Variants in CSMD1 observed in about 807,000 individuals in gnomAD.
CSMD1 encodes the protein CUB and Sushi multiple domains 1.
A neutral mutation model predicts 417.5 loss-of-function variants in CSMD1; 213 were observed. The observed-to-expected ratio is 0.51, with a 90% confidence interval of 0.46 to 0.57. The LOEUF (loss-of-function observed/expected upper bound fraction) is 0.57. CSMD1 is among the 20% of genes least tolerant of loss of function. The probability of loss-of-function intolerance (pLI) is 0.00; values close to 1 mark genes in which losing one functional copy is unlikely to be tolerated. For synonymous variants in CSMD1, 2,862 were observed against 1,736.8 expected (o/e 1.65, Z -16.11); for missense variants, 6,923 against 4,529.7 (o/e 1.53, Z -15.17).
chr8:3,828,898 T>A (rs1802209445), intron 5 of CSMD1, among the ~76,000 whole-genome samples: 2 of 152,202 alleles, frequency 1.3e-5, no homozygotes, highest in African/African-American at 2.4e-5. Flanking sequence ...ATGTTCACTG[T>A]AGTGGCCTTC....
chr8:3,503,279 A>T (rs1585265054), intron 10 of CSMD1, among the ~76,000 whole-genome samples: 1 of 152,242 alleles, frequency 6.6e-6, no homozygotes, highest in Non-Finnish European at 1.5e-5. Context: ...CCCCACATAT[A>T]AACACTAGGA....
At chr8:4,989,161 T>A (rs982252024) in intron 1 of CSMD1, among the ~76,000 whole-genome samples, 3 of 152,192 alleles carry the variant, frequency 2.0e-5, no homozygotes, top group Non-Finnish European at 2.9e-5. Context: ...ATCATGTAAT[T>A]GAAGGCAAGG....
At chr8:3,224,194 G>T (rs1210147860) in intron 27 of CSMD1, among the ~76,000 whole-genome samples, 1 of 152,066 alleles carries the variant, frequency 6.6e-6, no homozygotes, top group African/African-American at 2.4e-5. Context: ...CCCCATACCT[G>T]CCAACGTGCA....
intron 11 of CSMD1, among the ~76,000 whole-genome samples, chr8:3,488,849 A>T (rs763245980): frequency 6.6e-6 from 1 of 152,190 alleles, no homozygotes; most frequent in African/African-American, 2.4e-5. Flanking sequence ...CAGAAAAATA[A>T]TTGGGATCAT....
chr8:4,176,763 A>G (rs1584962594), intron 3 of CSMD1, among the ~76,000 whole-genome samples: 1 of 150,220 alleles, frequency 6.7e-6, no homozygotes, highest in Admixed American at 6.7e-5. Context: ...AAACAAAAAA[A>G]GGCAGGGGTT....
intron 3 of CSMD1, among the ~76,000 whole-genome samples, chr8:4,321,179 A>G (rs987689415): frequency 6.6e-6 from 1 of 152,136 alleles, no homozygotes; most frequent in African/African-American, 2.4e-5. Flanking sequence ...CACAGTGATC[A>G]AAGTGTAGGG....
At chr8:3,876,955 C>T (rs1013758976) in intron 5 of CSMD1, among the ~76,000 whole-genome samples, 4 of 152,116 alleles carry the variant, frequency 2.6e-5, no homozygotes, top group African/African-American at 9.7e-5. Context: ...TTTAGAAGCA[C>T]AAGAAATAAT....
intron 7 of CSMD1, among the ~76,000 whole-genome samples, chr8:3,638,081 C>T (rs74925521): frequency 4.6e-5 from 7 of 152,210 alleles, no homozygotes; most frequent in East Asian, 1.9e-4. Context: ...TAACCACACA[C>T]AGCTATCAAA....
intron 26 of CSMD1, among the ~76,000 whole-genome samples, chr8:3,231,598 A>T (rs769384309): frequency 6.6e-6 from 1 of 152,116 alleles, no homozygotes; most frequent in Non-Finnish European, 1.5e-5. Flanking sequence ...AAAGAATAAG[A>T]CCTGCTCTGT....
At chr8:4,313,636 A>G (rs1294703131) in intron 3 of CSMD1, among the ~76,000 whole-genome samples, 1 of 152,154 alleles carries the variant, frequency 6.6e-6, no homozygotes, top group Non-Finnish European at 1.5e-5. Flanking sequence ...CCATTTAAAC[A>G]TCAACACATG....
intron 3 of CSMD1, among the ~76,000 whole-genome samples, chr8:4,396,086 T>A (rs532529886): frequency 6.6e-6 from 1 of 152,114 alleles, no homozygotes; most frequent in South Asian, 2.1e-4. Flanking sequence ...TCTTATACCA[T>A]CTCCATTTGT....
intron 7 of CSMD1, among the ~76,000 whole-genome samples, chr8:3,645,742 G>C (rs1797541900): frequency 6.6e-6 from 1 of 152,108 alleles, no homozygotes. Context: ...GGCATCTGGA[G>C]GCAAAAGTTA....
chr8:4,054,457 T>C (rs1168220534), intron 3 of CSMD1, among the ~76,000 whole-genome samples: 1 of 152,168 alleles, frequency 6.6e-6, no homozygotes, highest in African/African-American at 2.4e-5. Flanking sequence ...AGCAAACTTC[T>C]TCTTAGCAAG....
chr8:3,094,143 C>A (rs4458902), intron 47 of CSMD1, among the ~76,000 whole-genome samples: 1 of 151,106 alleles, frequency 6.6e-6, no homozygotes, highest in East Asian at 1.9e-4. Context: ...TTTTGCTCTG[C>A]CTTCCAGGCT....
At chr8:3,548,653 C>G (rs1214215295) in intron 10 of CSMD1, among the ~76,000 whole-genome samples, 1 of 133,454 alleles carries the variant, frequency 7.5e-6, no homozygotes, top group Non-Finnish European at 1.6e-5. Context: ...GAGTGGTATT[C>G]CATCATACAC....
intron 1 of CSMD1, among the ~76,000 whole-genome samples, chr8:4,822,442 T>A (rs1799574865): frequency 6.6e-6 from 1 of 152,058 alleles, no homozygotes; most frequent in Admixed American, 6.6e-5. Flanking sequence ...TTAAGAGGAT[T>A]CCAAAAAATG....
intron 3 of CSMD1, among the ~76,000 whole-genome samples, chr8:4,377,781 C>T (rs564299872): frequency 3.9e-5 from 6 of 152,254 alleles, no homozygotes; most frequent in South Asian, 2.1e-4. Context: ...TTTTTGGCAC[C>T]TTTAAATATC....
intron 1 of CSMD1, among the ~76,000 whole-genome samples, chr8:4,760,036 A>G (rs573212236): frequency 1.7e-4 from 26 of 152,156 alleles, no homozygotes; most frequent in Non-Finnish European, 3.8e-4. Flanking sequence ...CAACAGTGTA[A>G]AAGTCTTCCT....
intron 41 of CSMD1, among the ~76,000 whole-genome samples, chr8:3,124,779 A>AT (rs1352017447): frequency 2.0e-5 from 3 of 152,158 alleles, no homozygotes; most frequent in Admixed American, 1.3e-4. Context: ...CCCAGGACCC[A>AT]TTTTTTCACC....
Sources: allele counts gnomAD v4.1 joint callset (sites outside exome capture counted in the v4.1 genomes callset), GRCh38; gene constraint gnomAD v4.1.1; transcripts MANE v1.5; gene names NCBI Gene and HGNC (gene_info 2026-07-23, HGNC 2026-07-21).